AP1G1: variants seen among roughly 807,000 people sequenced by gnomAD.
AP1G1 encodes AP-1 complex subunit gamma-1.
A neutral mutation model predicts 108.3 loss-of-function variants in AP1G1; 7 were observed. The observed-to-expected ratio is 0.06, with a 90% CI of 0.04 to 0.12. AP1G1 has a LOEUF of 0.12. Ranked by LOEUF, AP1G1 falls within the 10% of genes least tolerant of loss-of-function variation. The pLI is 1.00. For missense variants in AP1G1, 756 were observed against 1,010.7 expected, an observed-to-expected ratio of 0.75 and a Z score of 3.42; for synonymous variants, 379 against 353.5, an observed-to-expected ratio of 1.07 and a Z score of -0.81.
At chr16:71,774,127 T>G (rs571008354) in intron 3 of AP1G1, among the ~76,000 whole-genome samples, 3 of 142,070 alleles carry the variant, frequency 2.1e-5, no homozygotes, top group African/African-American at 7.8e-5. Context: ...CCTGTAACCC[T>G]AGTACTTTGG....
intron 9 of AP1G1, among the ~76,000 whole-genome samples, chr16:71,763,428 A>G (rs1408072649): frequency 6.6e-6 from 1 of 152,226 alleles, no homozygotes; most frequent in Non-Finnish European, 1.5e-5. Context: ...TTCTGGAGAT[A>G]AACTATAGTA....
chr16:71,805,044 T>G (rs778139066), intron 1 of AP1G1, among the ~76,000 whole-genome samples: 4 of 151,758 alleles, frequency 2.6e-5, no homozygotes, highest in Non-Finnish European at 4.4e-5. Context: ...AATTGCTTGT[T>G]ACTTATAAGC....
rs2045487677 is a variant in AP1G1, at chr16:71,732,837, A to C, written c.*221T>G. On this transcript the variant is annotated 3_prime_UTR_variant, in exon 23 of 23. Transcript: ENST00000299980. ...GAAAAAGGAGAAGAGGAAGAGTGCA[A>C]AGTAGCCTCCAGAAGCAGCCAGCCT... 1 of 471,110 alleles carries C rather than the reference A, an allele frequency of 2.1e-6. No individual in the cohort carries two copies. The highest frequency in any genetic ancestry group is 3.8e-6 in the Non-Finnish European group (1 of 264,850). The allele number at this position is 471,110 out of a possible 1,614,324, so 29.2% of individuals were successfully genotyped here. A position where few individuals can be genotyped will look rare whatever the true frequency, so the allele number is the denominator to read the frequency against.
At chr16:71,791,645 T>C (rs1424667641) in intron 1 of AP1G1, among the ~76,000 whole-genome samples, 1 of 139,918 alleles carries the variant, frequency 7.1e-6, no homozygotes, top group African/African-American at 2.7e-5. Context: ...TGACACTGTA[T>C]CCTGGGTGAC....
chr16:71,783,048 C>A (rs1464538085), intron 2 of AP1G1, among the ~76,000 whole-genome samples: 1 of 152,064 alleles, frequency 6.6e-6, no homozygotes, highest in African/African-American at 2.4e-5. Flanking sequence ...AATTCTAAGG[C>A]TTTTCAAGGA....
At chr16:71,794,184 T>G (rs1298272923) in intron 1 of AP1G1, among the ~76,000 whole-genome samples, 1 of 152,228 alleles carries the variant, frequency 6.6e-6, no homozygotes, top group African/African-American at 2.4e-5. Flanking sequence ...CCTTACTAAT[T>G]TAACTACCTG....
At chr16:71,759,865 G>A (rs1335412836) in intron 10 of AP1G1, among the ~76,000 whole-genome samples, 2 of 151,882 alleles carry the variant, frequency 1.3e-5, no homozygotes, top group African/African-American at 4.8e-5. Context: ...AACAAAAAGA[G>A]CATATAATAT....
At chr16:71,751,899 A>G (rs1445906309) in intron 13 of AP1G1, among the ~76,000 whole-genome samples, 1 of 152,208 alleles carries the variant, frequency 6.6e-6, no homozygotes, top group Non-Finnish European at 1.5e-5. Flanking sequence ...TGGAGATTAA[A>G]AGAACATACT....
At position 71,731,095 on chromosome 16, in the gene AP1G1, T is replaced by C. The variant is rs2045470906; in HGVS notation, c.*1963A>G. ...CATGTTTCACAGCATTAAGTATCCA[T>C]CCAATGAAATCAGTCTGCAAAGAAA... On this transcript the variant is annotated 3_prime_UTR_variant, in exon 23 of 23. Coordinates refer to ENST00000299980, the MANE Select transcript of AP1G1 (RefSeq NM_001128.6). The C allele has an allele frequency of 1.3e-5, 2 of 152,610 alleles. No homozygotes were observed. The highest frequency in any genetic ancestry group is 2.9e-5 in the Non-Finnish European group (2 of 68,046). 9.5% of individuals were successfully genotyped at this position (152,610 alleles called of 1,614,324 possible).
At chr16:71,786,512 G>GT (rs1476093547) in intron 2 of AP1G1, among the ~76,000 whole-genome samples, 1 of 152,040 alleles carries the variant, frequency 6.6e-6, no homozygotes, top group African/African-American at 2.4e-5. Context: ...CCAGGCTGGA[G>GT]TACAGTGGCA....
At chr16:71,750,126 G>A (rs1003922317) in intron 14 of AP1G1, 84 bp downstream of exon 14, 3 of 1,542,346 alleles carry the variant, frequency 1.9e-6, no homozygotes, top group African/African-American at 1.4e-5. Context: ...AGGGGAGAGA[G>A]GAGGGGGGAA....
Position 71,791,763 on chromosome 16 carries a change from CTT to C in AP1G1, c.-3-2283_-3-2282del, listed in dbSNP as rs34099153. 6.8e-3 allele frequency among the ~76,000 whole-genome samples: 770 copies of C among 113,330 alleles called. 2 individuals carry two copies. Among genetic ancestry groups the C allele is most frequent in the Admixed American group, 0.013 (116 of 8,626 alleles). 74.3% of individuals were successfully genotyped at this position (113,330 alleles called of 152,430 possible). ...TATAAAAGCTAACACTAAACTCTGA[CTT>C]TTTTTTTTTTTTTTTTTGGTGGAGT... On this transcript the variant is annotated intron_variant, in intron 1 of 22. Coordinates refer to ENST00000299980, the MANE Select transcript of AP1G1 (RefSeq NM_001128.6).
At chr16:71,753,499 T>A (rs186029742) in intron 13 of AP1G1, 171 of 201,852 alleles carry the variant, frequency 8.5e-4, no homozygotes, top group Non-Finnish European at 1.4e-3. Flanking sequence ...CACTTAGGGT[T>A]CCCTCCGTAT....
intron 2 of AP1G1, among the ~76,000 whole-genome samples, chr16:71,788,662 T>A (rs938853253): frequency 1.3e-5 from 2 of 151,748 alleles, no homozygotes; most frequent in African/African-American, 4.8e-5. Flanking sequence ...GCAAGCTTTT[T>A]TTTTTAAAAA....
At chr16:71,751,071 C>A (rs1225891087) in intron 13 of AP1G1, among the ~76,000 whole-genome samples, 1 of 149,850 alleles carries the variant, frequency 6.7e-6, no homozygotes, top group African/African-American at 2.5e-5. Context: ...AGCAGAATGG[C>A]GTGAACCCAG....
Position 71,756,179 on chromosome 16 carries a change from A to G in AP1G1, c.1089-20T>C. 1 of 1,599,334 alleles carries G rather than the reference A, an allele frequency of 6.3e-7. No individual in the cohort carries two copies. Among genetic ancestry groups the G allele is most frequent in the Non-Finnish European group, 8.5e-7 (1 of 1,174,476 alleles). ...GCACGCCTTGCAGAAGGGAAAAATTAAAAACAGTTAAGAAATTTATAGTGG... is the reference window on the plus strand; with the variant it reads ...GCACGCCTTGCAGAAGGGAAAAATTGAAAACAGTTAAGAAATTTATAGTGG... On this transcript the variant is annotated intron_variant, in intron 11 of 22. Coordinates refer to ENST00000299980, the MANE Select transcript of AP1G1 (RefSeq NM_001128.6).
Position 71,807,723 on chromosome 16 carries a change from A to G in AP1G1, c.-4+1040T>C, listed in dbSNP as rs191654599. 4.1e-4 allele frequency: 388 copies of G among 948,156 alleles called. 10 individuals carry two copies. In the East Asian group the frequency reaches 0.019, roughly 46 times the overall value. The allele number at this position is 948,156 out of a possible 1,614,324, so 58.7% of individuals were successfully genotyped here. On this transcript the variant is annotated intron_variant, in intron 1 of 22. Coordinates refer to ENST00000299980, the MANE Select transcript of AP1G1 (RefSeq NM_001128.6). ...TTACTGTACAAACACTTCAAAGTTAAGGTCACTAAGAAAGCACTAACTCCT... is the reference window on the plus strand; with the variant it reads ...TTACTGTACAAACACTTCAAAGTTAGGGTCACTAAGAAAGCACTAACTCCT...
At chr16:71,785,731 A>C (rs2032179174) in intron 2 of AP1G1, among the ~76,000 whole-genome samples, 1 of 152,008 alleles carries the variant, frequency 6.6e-6, no homozygotes, top group Admixed American at 6.6e-5. Context: ...AACACAAAAA[A>C]ATTAGCCAGG....
intron 11 of AP1G1, among the ~76,000 whole-genome samples, chr16:71,757,185 T>C (rs1449104681): frequency 1.3e-5 from 2 of 152,166 alleles, no homozygotes; most frequent in African/African-American, 4.8e-5. Flanking sequence ...CACAAGTGGC[T>C]CACGCCTGTA....
Sources: gnomAD v4.1 joint callset for allele counts (sites outside exome capture counted in the v4.1 genomes callset) on GRCh38, gnomAD v4.1.1 for gene constraint, MANE v1.5 for transcripts, NCBI Gene and HGNC (gene_info 2026-07-23, HGNC 2026-07-21) for gene names.